The following CNOT6 variants were observed in gnomAD, a reference collection of about 807,000 sequenced individuals.
The protein encoded by CNOT6 is carbon catabolite repression 4 protein.
In CNOT6, 12 loss-of-function variants were observed where a neutral mutation model predicts 61.2. That is an observed-to-expected ratio of 0.20 (90% CI 0.13 to 0.32). The LOEUF is 0.32. Ranked by LOEUF, CNOT6 falls within the 10% of genes least tolerant of loss-of-function variation. The pLI is 1.00. For synonymous variants in CNOT6, 225 were observed against 240.6 expected (o/e 0.94, Z 0.60); for missense variants, 405 against 663.9 (o/e 0.61, Z 4.28).
At chr5:180,503,465 A>G (rs1166930160) in intron 1 of CNOT6, among the ~76,000 whole-genome samples, 1 of 151,178 alleles carries the variant, frequency 6.6e-6, no homozygotes. Flanking sequence ...GGGTTTTGCC[A>G]TGTTGGCCAG....
In CNOT6 at chr5:180,575,834, C is replaced by T. The variant is rs1170638468; in HGVS notation, c.*1634C>T. 6.6e-6 allele frequency: 1 copy of T among 152,092 alleles called. No individual in the cohort carries two copies. 9.4% of individuals were successfully genotyped at this position (152,092 alleles called of 1,614,324 possible). On this transcript the variant is annotated 3_prime_UTR_variant, in exon 12 of 12. Coordinates refer to ENST00000261951, the MANE Select transcript of CNOT6 (RefSeq NM_001370472.1). Reference sequence around the variant, plus strand: ...CATGTGAGCATTAGGAAAAAAAATACTCACTCTTACTAACAATTTTTATAC... The same window carrying T: ...CATGTGAGCATTAGGAAAAAAAATATTCACTCTTACTAACAATTTTTATAC...
intron 1 of CNOT6, among the ~76,000 whole-genome samples, chr5:180,528,318 A>T (rs1394812526): frequency 6.6e-6 from 1 of 152,044 alleles, no homozygotes; most frequent in Admixed American, 6.6e-5. Context: ...TTATTTATTT[A>T]TTTATTTTTT....
At chr5:180,517,970 T>G (rs927072658) in intron 1 of CNOT6, among the ~76,000 whole-genome samples, 4 of 151,152 alleles carry the variant, frequency 2.6e-5, no homozygotes, top group Non-Finnish European at 5.9e-5. Flanking sequence ...AGATAGTGAC[T>G]GACTTGCAGT....
chr5:180,568,329 T>G (rs1256921476), intron 9 of CNOT6, among the ~76,000 whole-genome samples: 1 of 151,790 alleles, frequency 6.6e-6, no homozygotes, highest in Non-Finnish European at 1.5e-5. Flanking sequence ...CTCCATACAC[T>G]TTTGTAATTT....
chr5:180,505,599 C>T (rs935362854), intron 1 of CNOT6, among the ~76,000 whole-genome samples: 12 of 119,056 alleles, frequency 1.0e-4, no homozygotes, highest in African/African-American at 3.5e-4. Context: ...CCAGTCTGGA[C>T]TGCAGTGGCG....
rs748977105 is a variant in CNOT6, at chr5:180,567,912, G to T, written c.936G>T (p.Gly312=). The change falls in exon 9 of 12, where the codon GGG becomes GGT. Residue 312 remains glycine (G), a synonymous_variant. Coordinates refer to ENST00000261951, the MANE Select transcript of CNOT6 (RefSeq NM_001370472.1). ...FNQLAMANSE[G]SEAMLNRVMT... is the part of the protein sequence containing the mutation. ...AGCTAGCCATGGCAAATTCTGAGGG[G>T]TCTGAAGCTATGCTGAACAGAGTCA... is the stretch of plus-strand genomic sequence containing the variant. 6.2e-7 allele frequency: 1 copy of T among 1,614,114 alleles called. No individual in the cohort carries two copies. Among genetic ancestry groups the T allele is most frequent in the Admixed American group, 1.7e-5 (1 of 60,010 alleles).
intron 4 of CNOT6, among the ~76,000 whole-genome samples, chr5:180,555,043 G>A (rs934548339): frequency 2.7e-5 from 4 of 148,378 alleles, no homozygotes; most frequent in Non-Finnish European, 3.0e-5. Context: ...GTCTCTTGTC[G>A]CCCAGGCTAG....
intron 1 of CNOT6, among the ~76,000 whole-genome samples, chr5:180,513,566 G>T (rs1213392897): frequency 6.6e-6 from 1 of 150,670 alleles, no homozygotes; most frequent in African/African-American, 2.5e-5. Context: ...TAGAGACAGG[G>T]TTTCACCATA....
In CNOT6 at chr5:180,552,386, T is replaced by TC. The variant is rs201910002; in HGVS notation, c.300-997dup. ...TGGGCACGATGGCTCAAGCCTATAA[T>TC]CCCAGCACACTTTGGGAGGCCGAGG... On this transcript the variant is annotated intron_variant, in intron 3 of 11. Coordinates refer to ENST00000261951, the MANE Select transcript of CNOT6 (RefSeq NM_001370472.1). Among the ~76,000 whole-genome samples, 1,490 of 149,490 alleles carry TC rather than the reference T, an allele frequency of 1.0e-2. 24 individuals carry two copies. The highest frequency in any genetic ancestry group is 0.034 in the African/African-American group (1,405 of 41,088).
At chr5:180,501,966 C>T (rs1417866306) in intron 1 of CNOT6, among the ~76,000 whole-genome samples, 5 of 151,980 alleles carry the variant, frequency 3.3e-5, no homozygotes, top group African/African-American at 1.2e-4. Flanking sequence ...ATATATAAGT[C>T]AGATAGTAGA....
At chr5:180,573,287 C>G (rs1213216893) in intron 11 of CNOT6, among the ~76,000 whole-genome samples, 2 of 152,042 alleles carry the variant, frequency 1.3e-5, no homozygotes, top group Non-Finnish European at 2.9e-5. Context: ...AAAAGGGGGT[C>G]AGGTAGAGAC....
chr5:180,522,343 G>T (rs1757916300), intron 1 of CNOT6, among the ~76,000 whole-genome samples: 1 of 151,806 alleles, frequency 6.6e-6, no homozygotes, highest in Non-Finnish European at 1.5e-5. Context: ...TTGAATTCTT[G>T]GCTCAGGTGA....
chr5:180,564,874 TA>T (rs1034411975), intron 6 of CNOT6, 131 bp downstream of exon 6: 3 of 684,444 alleles, frequency 4.4e-6, no homozygotes, highest in Non-Finnish European at 7.6e-6. Flanking sequence ...TGGGAGGTAA[TA>T]AAAAAGAATT....
At chr5:180,511,028 C>T (rs1382167224) in intron 1 of CNOT6, among the ~76,000 whole-genome samples, 1 of 152,182 alleles carries the variant, frequency 6.6e-6, no homozygotes, top group Non-Finnish European at 1.5e-5. Flanking sequence ...TAGTCTCGAA[C>T]TCCTGACCTC....
At chr5:180,571,191 G>A in intron 10 of CNOT6, 39 bp from the exon 11 acceptor site, 1 of 1,364,966 alleles carries the variant, frequency 7.3e-7, no homozygotes, top group Non-Finnish European at 1.0e-6. Flanking sequence ...ATTACTTTTT[G>A]TATATATTTG....
rs1036612079 is a variant in CNOT6, at chr5:180,567,831, G to A, written c.873-18G>A. ...TTCCCAACTCTGTGTGTGTGTGTGTGTGTTGTTTTTGTTTTAGATTTACTT... is the reference window on the plus strand; with the variant it reads ...TTCCCAACTCTGTGTGTGTGTGTGTATGTTGTTTTTGTTTTAGATTTACTT... On this transcript the variant is annotated intron_variant, in intron 8 of 11. Transcript: ENST00000261951. The A allele has an allele frequency of 3.1e-6, 5 of 1,613,976 alleles. No homozygotes were observed. The highest frequency in any genetic ancestry group is 2.2e-5 in the East Asian group (1 of 44,864).
At chr5:180,559,262 G>C (rs1760051591) in intron 4 of CNOT6, among the ~76,000 whole-genome samples, 1 of 152,140 alleles carries the variant, frequency 6.6e-6, no homozygotes, top group Non-Finnish European at 1.5e-5. Context: ...AGTTCTCTCA[G>C]TTTTTGCATA....
rs988524880 is a variant in CNOT6, at chr5:180,541,527, C to T, written c.113-8404C>T. ...AGTGCAGTGGTGCAATCTTGGCTCA[C>T]TGCAAGCTCCGCCTCCCGGATTCAC... On this transcript the variant is annotated intron_variant, in intron 2 of 11. Coordinates refer to ENST00000261951, the MANE Select transcript of CNOT6 (RefSeq NM_001370472.1). 2.2e-5 allele frequency among the ~76,000 whole-genome samples: 3 copies of T among 138,770 alleles called. No homozygotes were observed. In the South Asian group the frequency reaches 7.2e-4, roughly 33 times the overall value. 91.0% of individuals were successfully genotyped at this position (138,770 alleles called of 152,430 possible). A position where few individuals can be genotyped will look rare whatever the true frequency, so the allele number is the denominator to read the frequency against.
At chr5:180,573,597 GTGTGTCCGTC>G (rs1360608138) in intron 11 of CNOT6, among the ~76,000 whole-genome samples, 9 of 14,636 alleles carry the variant, frequency 6.1e-4, no homozygotes, top group African/African-American at 1.4e-3. Context: ...GTGTGTGTGT[GTGTGTCCGTC>G]CGTCCGTCCG....
Sources: gnomAD v4.1 joint callset for allele counts (sites outside exome capture counted in the v4.1 genomes callset) on GRCh38, gnomAD v4.1.1 for gene constraint, MANE v1.5 for transcripts, NCBI Gene and HGNC (gene_info 2026-07-23, HGNC 2026-07-21) for gene names.